Variants in SPAG17 observed in about 807,000 individuals in gnomAD.
SPAG17 encodes the protein sperm-associated antigen 17.
In SPAG17, 169 loss-of-function variants were observed where a neutral mutation model predicts 273.6. The ratio of observed to expected loss-of-function variants is 0.62; its 90% confidence interval spans 0.55 to 0.70. The LOEUF is 0.70. SPAG17 is among the 30% of genes least tolerant of loss of function. The pLI, the probability that SPAG17 is intolerant of heterozygous loss-of-function variation, is 0.00. For missense variants in SPAG17, 2,557 were observed against 2,627.8 expected (o/e 0.97, Z 0.59); for synonymous variants, 825 against 873.2 (o/e 0.94, Z 0.97).
rs1191717689 is a variant in SPAG17 at position 118,023,335 on chromosome 1, C to T, written c.4038G>A (p.Thr1346=). ...MDSISQQKSE[T]IPSEITNTKK... is the part of the protein sequence containing the mutation. ...TTGTGTTGGTAATCTCAGATGGTAT[C>T]GTTTCTGATTTCTGCTGAGAAATAG... The change falls in exon 28 of 49, where the codon ACG becomes ACA. Residue 1346 remains threonine (T), a synonymous_variant. Transcript: ENST00000336338. 1.9e-6 allele frequency: 3 copies of T among 1,611,374 alleles called. No individual in the cohort carries two copies. Among genetic ancestry groups the T allele is most frequent in the African/African-American group, 1.3e-5 (1 of 74,944 alleles).
chr1:118,148,385 G>C (rs187184535), intron 3 of SPAG17, among the ~76,000 whole-genome samples: 8 of 152,166 alleles, frequency 5.3e-5, no homozygotes, highest in Non-Finnish European at 7.3e-5. Context: ...CACTCGGCAA[G>C]GGTACACGAA....
At chr1:118,116,910 T>A (rs1246186782) in intron 3 of SPAG17, among the ~76,000 whole-genome samples, 2 of 152,178 alleles carry the variant, frequency 1.3e-5, no homozygotes, top group Non-Finnish European at 2.9e-5. Context: ...ACATGATGGC[T>A]GTGATTTTTG....
intron 48 of SPAG17, chr1:117,960,902 CATGAT>C (rs1472425070): frequency 1.3e-5 from 2 of 152,178 alleles, no homozygotes; most frequent in Admixed American, 6.5e-5. Context: ...TTTGTGCATT[CATGAT>C]ATAACTACTT....
Position 118,021,449 on chromosome 1 carries a change from T to G in SPAG17, c.4069+1855A>C, listed in dbSNP as rs527589746. On this transcript the variant is annotated intron_variant, in intron 28 of 48. Transcript: ENST00000336338. ...GGGTGGAATAAGAAGGGTGAATAGG[T>G]GAAGAGGGATTTTTAGGTTGGCAAA... Among the ~76,000 whole-genome samples the G allele has an allele frequency of 6.0e-4, 91 of 152,140 alleles. 1 individual carries two copies. Among genetic ancestry groups the G allele is most frequent in the African/African-American group, 1.8e-3 (75 of 41,528 alleles).
At chr1:118,133,543 C>G (rs575240686) in intron 3 of SPAG17, among the ~76,000 whole-genome samples, 1 of 152,110 alleles carries the variant, frequency 6.6e-6, no homozygotes, top group Non-Finnish European at 1.5e-5. Context: ...GCCACTGGTA[C>G]AAGGAGGCAA....
intron 28 of SPAG17, 95 bp downstream of exon 28, chr1:118,023,209 G>C (rs886419788): frequency 1.2e-6 from 1 of 808,398 alleles, no homozygotes; most frequent in Non-Finnish European, 1.8e-6. Flanking sequence ...TGTAGAAGAG[G>C]TTGCAAGTAT....
Position 118,099,624 on chromosome 1 carries a change from C to T in SPAG17, c.811G>A (p.Val271Ile). ...TGCATACCTTCTGACTGAAGAAGAA[C>T]TTCCTGCTGCTGGTTAACTGCTGCC... is the stretch of plus-strand genomic sequence containing the variant. ...HLAAVNQQQE[V>I]LLQSEDLEAE... The change falls in exon 6 of 49, where the codon GTT becomes ATT. Residue 271 changes from valine (V) to isoleucine (I), a missense_variant. Val to Ile is a conservative substitution (Grantham distance 29, BLOSUM62 3). Transcript: ENST00000336338. The T allele has an allele frequency of 6.2e-7, 1 of 1,614,048 alleles. No individual in the cohort carries two copies. The highest frequency in any genetic ancestry group is 8.5e-7 in the Non-Finnish European group (1 of 1,179,914).
At chr1:118,100,889 G>A (rs541109954) in intron 5 of SPAG17, among the ~76,000 whole-genome samples, 22 of 152,272 alleles carry the variant, frequency 1.4e-4, no homozygotes, top group African/African-American at 4.6e-4. Context: ...GGGGGAGTTG[G>A]GGTAGGAAAC....
intron 5 of SPAG17, 26 bp downstream of exon 5, chr1:118,101,714 A>T (rs1199918779): frequency 6.3e-7 from 1 of 1,598,986 alleles, no homozygotes; most frequent in Admixed American, 1.7e-5. Flanking sequence ...CGTGAAAGGC[A>T]CCGCCGGCAG....
chr1:118,051,938 A>G (rs924309245), intron 20 of SPAG17, among the ~76,000 whole-genome samples: 2 of 136,912 alleles, frequency 1.5e-5, no homozygotes, highest in African/African-American at 5.4e-5. Flanking sequence ...TAATATATAT[A>G]ATACTATGTA....
In SPAG17 at chr1:118,103,555, ATTTC is replaced by A. The variant is rs201582202; in HGVS notation, c.448-1633_448-1630del. Among the ~76,000 whole-genome samples the A allele has an allele frequency of 2.2e-4, 33 of 152,206 alleles. No homozygotes were observed. The East Asian group carries it at 6.4e-3, about 30-fold the overall frequency. On this transcript the variant is annotated intron_variant, in intron 4 of 48. Coordinates refer to ENST00000336338, the MANE Select transcript of SPAG17 (RefSeq NM_206996.4). ...TACAGAAGAGTGAAAGGGTCCTAGC[ATTTC>A]TCTCTGCACCAGGTATAAATTGGTG...
At chr1:117,990,759 T>C in intron 38 of SPAG17, 102 bp downstream of exon 38, 1 of 710,192 alleles carries the variant, frequency 1.4e-6, no homozygotes, top group Non-Finnish European at 2.4e-6. Context: ...GATATGTACA[T>C]GGTGTCTTGT....
At chr1:117,990,749 G>T in intron 38 of SPAG17, 112 bp downstream of exon 38, 1 of 630,458 alleles carries the variant, frequency 1.6e-6, no homozygotes, top group Non-Finnish European at 2.8e-6. Flanking sequence ...CAAGAATGGA[G>T]ATATGTACAT....
intron 3 of SPAG17, among the ~76,000 whole-genome samples, chr1:118,121,589 A>G (rs893745071): frequency 2.0e-5 from 3 of 152,134 alleles, no homozygotes; most frequent in East Asian, 3.9e-4. Flanking sequence ...GCTCCTTATG[A>G]GAATCTAATG....
rs1342438648 is a variant in SPAG17 at position 117,954,013 on chromosome 1, A to G, written c.*37T>C. On this transcript the variant is annotated 3_prime_UTR_variant, in exon 49 of 49. Coordinates refer to ENST00000336338, the MANE Select transcript of SPAG17 (RefSeq NM_206996.4). Reference sequence around the variant, plus strand: ...CCTTTCTCATCCTCTGTAGGCTGAGAGGATTATGGAGGCTATTGAGTTGTA... The same window carrying G: ...CCTTTCTCATCCTCTGTAGGCTGAGGGGATTATGGAGGCTATTGAGTTGTA... 4.3e-6 allele frequency: 7 copies of G among 1,610,582 alleles called. No homozygotes were observed. The highest frequency in any genetic ancestry group is 5.9e-6 in the Non-Finnish European group (7 of 1,178,212).
intron 1 of SPAG17, among the ~76,000 whole-genome samples, chr1:118,161,756 C>T (rs565349065): frequency 6.6e-6 from 1 of 152,178 alleles, no homozygotes; most frequent in South Asian, 2.1e-4. Flanking sequence ...AGGATGGTCT[C>T]GATCTCCTGA....
chr1:118,161,182 C>A (rs1659892535), intron 1 of SPAG17, among the ~76,000 whole-genome samples: 1 of 152,130 alleles, frequency 6.6e-6, no homozygotes. Flanking sequence ...GAGACTATTT[C>A]TTGTAAAGGC....
intron 43 of SPAG17, among the ~76,000 whole-genome samples, chr1:117,975,745 A>G (rs1655059633): frequency 6.6e-6 from 1 of 152,140 alleles, no homozygotes; most frequent in Non-Finnish European, 1.5e-5. Context: ...CAGTGTTTTT[A>G]TGTATTTATT....
At chr1:118,122,855 A>G (rs1428884666) in intron 3 of SPAG17, among the ~76,000 whole-genome samples, 1 of 152,192 alleles carries the variant, frequency 6.6e-6, no homozygotes, top group Non-Finnish European at 1.5e-5. Context: ...TGAAGATTCC[A>G]CAGCCCAAGT....
Sources: allele counts gnomAD v4.1 joint callset (sites outside exome capture counted in the v4.1 genomes callset), GRCh38; gene constraint gnomAD v4.1.1; transcripts MANE v1.5; gene names NCBI Gene and HGNC (gene_info 2026-07-23, HGNC 2026-07-21).